Variants in VPS8 observed in about 807,000 individuals in gnomAD.
The protein encoded by VPS8 is vacuolar protein sorting-associated protein 8 homolog.
Under a neutral mutation model 216.4 loss-of-function variants are expected in VPS8, and 129 were observed. The ratio of observed to expected loss-of-function variants is 0.60; its 90% CI spans 0.52 to 0.69. The LOEUF is 0.69. VPS8 is among the 30% of genes least tolerant of loss of function. VPS8 has a pLI of 0.00. For synonymous variants in VPS8, 571 were observed against 565.4 expected (o/e 1.01, Z -0.14); for missense variants, 1,531 against 1,683.5 (o/e 0.91, Z 1.59).
At chr3:185,041,634 CA>C (rs1229647599) in intron 46 of VPS8, among the ~76,000 whole-genome samples, 1 of 152,164 alleles carries the variant, frequency 6.6e-6, no homozygotes, top group Non-Finnish European at 1.5e-5. Flanking sequence ...GTATGTGTGA[CA>C]GAGCCACTAG....
At chr3:184,879,273 A>G (rs762746908) in intron 21 of VPS8, among the ~76,000 whole-genome samples, 3 of 152,200 alleles carry the variant, frequency 2.0e-5, no homozygotes, top group Admixed American at 6.5e-5. Context: ...TTAAATATAC[A>G]TGAATATCCG....
chr3:184,867,860 C>T lies in VPS8; in HGVS notation c.1471-164C>T, dbSNP rs1046125092. The stretch of plus-strand genomic sequence containing the variant: ...GACTCTGTCTCAAAAAAAAGAAAAG[C>T]GTTCTTGAAGACCCATTAGTAAATT... On this transcript the variant is annotated intron_variant, in intron 17 of 47. Coordinates refer to ENST00000625842, the MANE Select transcript of VPS8 (RefSeq NM_001009921.3). Among the ~76,000 whole-genome samples, 5 of 152,116 alleles carry T rather than the reference C, an allele frequency of 3.3e-5. No homozygotes were observed. The South Asian group carries it at 6.2e-4, about 19-fold the overall frequency.
chr3:184,918,039 A>G (rs1204322182), intron 28 of VPS8, among the ~76,000 whole-genome samples: 1 of 152,190 alleles, frequency 6.6e-6, no homozygotes, highest in African/African-American at 2.4e-5. Flanking sequence ...ATGAGATAAG[A>G]TGGAGGCAGG....
Position 184,826,144 on chromosome 3 carries a change from A to G in VPS8, c.154-19A>G, listed in dbSNP as rs1356367741. ...AGAAAGGCATCATTTTGTGAGCACT[A>G]TTTTTTTTCTTTATTTAGATTGATG... is the stretch of plus-strand genomic sequence containing the variant. On this transcript the variant is annotated intron_variant, in intron 2 of 47. Transcript: ENST00000625842. 9 of 1,578,732 alleles carry G rather than the reference A, an allele frequency of 5.7e-6. No homozygotes were observed. Among genetic ancestry groups the G allele is most frequent in the African/African-American group, 5.4e-5 (4 of 73,860 alleles).
chr3:184,843,234 CA>C lies in VPS8; in HGVS notation c.536-2del. On this transcript the variant is annotated splice_region_variant and splice_polypyrimidine_tract_variant and intron_variant, in intron 7 of 47. Coordinates refer to ENST00000625842, the MANE Select transcript of VPS8 (RefSeq NM_001009921.3). ...TTTCTTGATCTTTTCTTCATGGATT[CA>C]AAAGGAAAAGGTATAGTAAGTAATT... is the stretch of plus-strand genomic sequence containing the variant. 7.1e-7 allele frequency: 1 copy of C among 1,417,076 alleles called. No homozygotes were observed. The highest frequency in any genetic ancestry group is 2.4e-5 in the Admixed American group (1 of 41,642). The allele number at this position is 1,417,076 out of a possible 1,614,324, so 87.8% of individuals were successfully genotyped here. A position where few individuals can be genotyped will look rare whatever the true frequency, so the allele number is the denominator to read the frequency against.
intron 25 of VPS8, among the ~76,000 whole-genome samples, chr3:184,911,026 A>G (rs1736425984): frequency 6.6e-6 from 1 of 152,232 alleles, no homozygotes; most frequent in African/African-American, 2.4e-5. Flanking sequence ...TTTTGAGGCA[A>G]AGTTGAAAAT....
chr3:184,829,468 G>A (rs1719530497), intron 3 of VPS8, among the ~76,000 whole-genome samples: 1 of 152,138 alleles, frequency 6.6e-6, no homozygotes, highest in Non-Finnish European at 1.5e-5. Flanking sequence ...TGCCTGCCTT[G>A]GCCCCCCAGA....
At chr3:184,943,402 G>T (rs967968143) in intron 36 of VPS8, among the ~76,000 whole-genome samples, 8 of 152,142 alleles carry the variant, frequency 5.3e-5, no homozygotes, top group Non-Finnish European at 1.2e-4. Context: ...CATTTTAGCT[G>T]TTTTTTAGTG....
Position 185,052,197 on chromosome 3 carries a change from C to A in VPS8, c.*172C>A. The A allele has an allele frequency of 1.7e-6, 1 of 604,966 alleles. No homozygotes were observed. Among genetic ancestry groups the A allele is most frequent in the Non-Finnish European group, 2.7e-6 (1 of 367,816 alleles). 37.5% of individuals were successfully genotyped at this position (604,966 alleles called of 1,614,324 possible). ...CAGCACCATTCCCAGTGTAGACTCC[C>A]AGTCTTCTCCACATTGCTGTCATGG... is the stretch of plus-strand genomic sequence containing the variant. On this transcript the variant is annotated 3_prime_UTR_variant, in exon 48 of 48. Coordinates refer to ENST00000625842, the MANE Select transcript of VPS8 (RefSeq NM_001009921.3).
intron 15 of VPS8, among the ~76,000 whole-genome samples, chr3:184,860,423 GTA>G (rs1217193884): frequency 6.8e-6 from 1 of 147,130 alleles, no homozygotes; most frequent in Non-Finnish European, 1.5e-5. Flanking sequence ...GTATATATAT[GTA>G]TATATGTGTG....
At chr3:184,949,259 T>C (rs1744233434) in intron 36 of VPS8, among the ~76,000 whole-genome samples, 1 of 152,038 alleles carries the variant, frequency 6.6e-6, no homozygotes, top group East Asian at 1.9e-4. Context: ...ATCATGCCAC[T>C]GCACTCCAGC....
chr3:184,864,092 T>C (rs2108744845), intron 16 of VPS8, among the ~76,000 whole-genome samples: 1 of 151,262 alleles, frequency 6.6e-6, no homozygotes, highest in African/African-American at 2.4e-5. Flanking sequence ...GGGAATCAGA[T>C]TTACTCTCCT....
chr3:184,940,270 T>TTTTATATA (rs142586532), intron 36 of VPS8, 27 bp downstream of exon 36: 29 of 579,896 alleles, frequency 5.0e-5, no homozygotes, highest in South Asian at 7.0e-5. Context: ...TAGTCTTTCA[T>TTTTATATA]TATATATATA....
chr3:184,884,970 A>C (rs1333771278), intron 21 of VPS8, among the ~76,000 whole-genome samples: 1 of 152,210 alleles, frequency 6.6e-6, no homozygotes, highest in Non-Finnish European at 1.5e-5. Flanking sequence ...CTGTATTCTC[A>C]GTCAGGGTTG....
At chr3:185,005,496 C>T (rs1420765785) in intron 45 of VPS8, among the ~76,000 whole-genome samples, 2 of 152,110 alleles carry the variant, frequency 1.3e-5, no homozygotes, top group African/African-American at 2.4e-5. Context: ...TGATTCTACC[C>T]ATCCATGAGC....
At chr3:184,940,270 T>TTA (rs5855048) in intron 36 of VPS8, 27 bp downstream of exon 36, 22,730 of 555,676 alleles carry the variant, frequency 0.041, 111 homozygotes, top group East Asian at 0.1. Flanking sequence ...TAGTCTTTCA[T>TTA]TATATATATA....
chr3:184,834,765 T>A, intron 5 of VPS8, 23 bp downstream of exon 5: 1 of 1,530,912 alleles, frequency 6.5e-7, no homozygotes, highest in Non-Finnish European at 8.8e-7. Flanking sequence ...TTCTTTTCCC[T>A]CAACTTTGTA....
At chr3:184,945,317 G>A (rs1743487923) in intron 36 of VPS8, among the ~76,000 whole-genome samples, 1 of 151,484 alleles carries the variant, frequency 6.6e-6, no homozygotes, top group South Asian at 2.1e-4. Context: ...TTTATTTTAT[G>A]TAGCAATTTA....
intron 47 of VPS8, among the ~76,000 whole-genome samples, chr3:185,048,860 G>A (rs1010151804): frequency 2.2e-4 from 34 of 152,286 alleles, no homozygotes; most frequent in African/African-American, 6.3e-4. Flanking sequence ...TCCCAGGAGG[G>A]CTTTGCTTAG....
Sources: gnomAD v4.1 joint callset for allele counts (sites outside exome capture counted in the v4.1 genomes callset) on GRCh38, gnomAD v4.1.1 for gene constraint, MANE v1.5 for transcripts, NCBI Gene and HGNC (gene_info 2026-07-23, HGNC 2026-07-21) for gene names.